TEX9: variants seen among roughly 807,000 people sequenced by gnomAD.
The protein encoded by TEX9 is testis expressed 9.
Under a neutral mutation model 59.6 loss-of-function variants are expected in TEX9, and 74 were observed. The observed-to-expected ratio is 1.24, with a 90% CI of 1.03 to 1.51. TEX9 has a LOEUF of 1.51. Among genes scored for constraint, TEX9 ranks in the 40% most tolerant of loss-of-function variants. TEX9 has a pLI of 0.00. For missense variants in TEX9, 522 were observed against 447.8 expected, an observed-to-expected ratio of 1.17 and a Z score of -1.49; for synonymous variants, 186 against 152.2, an observed-to-expected ratio of 1.22 and a Z score of -1.64.
intron 1 of TEX9, among the ~76,000 whole-genome samples, chr15:56,283,750 A>AC (rs576499258): frequency 2.0e-4 from 30 of 152,104 alleles, no homozygotes; most frequent in African/African-American, 6.3e-4. Context: ...AACTGTATTT[A>AC]CCCCCCCTTC....
chr15:56,419,988 T>C (rs1357573080), intron 10 of TEX9, among the ~76,000 whole-genome samples: 1 of 151,148 alleles, frequency 6.6e-6, no homozygotes, highest in Non-Finnish European at 1.5e-5. Context: ...TATTTTATTG[T>C]GTTTTGGGTG....
chr15:56,443,359 T>C (rs1335843121), intron 12 of TEX9: 1 of 1,129,856 alleles, frequency 8.9e-7, no homozygotes, highest in East Asian at 2.5e-5. Context: ...AAATGTACTA[T>C]CTCTTTTCTG....
chr15:56,430,525 G>A (rs2050559248), intron 12 of TEX9, among the ~76,000 whole-genome samples: 1 of 152,124 alleles, frequency 6.6e-6, no homozygotes, highest in South Asian at 2.1e-4. Flanking sequence ...TTTATTTGAA[G>A]TCACAGTGTG....
At chr15:56,280,710 G>T (rs1253219080) in intron 1 of TEX9, among the ~76,000 whole-genome samples, 1 of 152,184 alleles carries the variant, frequency 6.6e-6, no homozygotes, top group African/African-American at 2.4e-5. Flanking sequence ...TATCTGAAGA[G>T]GTATATAACA....
At chr15:56,447,125 C>T, downstream of TEX9, 1 of 517,272 alleles carries the variant, frequency 1.9e-6, no homozygotes, top group Non-Finnish European at 3.4e-6. Flanking sequence ...TTAGGGCTTA[C>T]ATTTTCTGGT....
intron 12 of TEX9, chr15:56,443,866 TAAC>T: frequency 6.4e-7 from 1 of 1,563,256 alleles, no homozygotes; most frequent in Non-Finnish European, 8.7e-7. Flanking sequence ...TGAAAAGCAA[TAAC>T]AAGTACAGAT....
At chr15:56,251,082 T>A (rs2044003935) in intron 1 of TEX9, among the ~76,000 whole-genome samples, 1 of 152,238 alleles carries the variant, frequency 6.6e-6, no homozygotes, top group South Asian at 2.1e-4. Context: ...TGGGCCAACC[T>A]GTCTCCTTTC....
chr15:56,459,990 C>CAAAAAAAAA, the TEX9 span, among the ~76,000 whole-genome samples: 251 of 11,106 alleles, frequency 0.023, 49 homozygotes, highest in Middle Eastern at 0.5. Flanking sequence ...AATTCTGTCT[C>CAAAAAAAAA]AAAAAAAAAA....
At chr15:56,333,446 G>A (rs1364187567) in intron 1 of TEX9, among the ~76,000 whole-genome samples, 3 of 144,498 alleles carry the variant, frequency 2.1e-5, no homozygotes, top group Admixed American at 1.4e-4. Context: ...TGCTGGAAAA[G>A]CATTTGATGA....
chr15:56,398,925 A>G (rs1277804730), intron 9 of TEX9, among the ~76,000 whole-genome samples: 1 of 152,186 alleles, frequency 6.6e-6, no homozygotes, highest in Non-Finnish European at 1.5e-5. Context: ...TGAGGTCAGG[A>G]GATCGAGACC....
chr15:56,303,632 A>G (rs1291713436), intron 1 of TEX9, among the ~76,000 whole-genome samples: 2 of 152,256 alleles, frequency 1.3e-5, no homozygotes, highest in Non-Finnish European at 2.9e-5. Flanking sequence ...ATAAAGAACT[A>G]GAAAAGCAAA....
At position 56,424,616 on chromosome 15, in the gene TEX9, C is replaced by T. The variant is rs28555266; in HGVS notation, c.964-2989C>T. Among the ~76,000 whole-genome samples, 429 of 152,194 alleles carry T rather than the reference C, an allele frequency of 2.8e-3. 2 individuals are homozygous for T. Among genetic ancestry groups the T allele is most frequent in the African/African-American group, 9.7e-3 (403 of 41,534 alleles). On this transcript the variant is annotated intron_variant, in intron 10 of 12. Coordinates refer to ENST00000352903, the Ensembl canonical transcript of TEX9. The stretch of plus-strand genomic sequence containing the variant: ...TTTTGTGTAATGATGCAACTTCAAT[C>T]GTATATAAAGACTCTACTCCTTTTC...
chr15:56,412,548 T>C, intron 10 of TEX9, 112 bp downstream of exon 10: 2 of 1,200,300 alleles, frequency 1.7e-6, no homozygotes, highest in Non-Finnish European at 2.3e-6. Flanking sequence ...GCTGAACATT[T>C]CTCTTTTCAG....
At chr15:56,375,611 A>G (rs1336117910) in intron 3 of TEX9, among the ~76,000 whole-genome samples, 7 of 152,144 alleles carry the variant, frequency 4.6e-5, no homozygotes, top group Non-Finnish European at 1.0e-4. Context: ...CCTGAATGGT[A>G]ATGCCTAAGT....
chr15:56,388,365 C>A, intron 4 of TEX9, 107 bp from the exon 5 acceptor site: 1 of 855,500 alleles, frequency 1.2e-6, no homozygotes, highest in Admixed American at 2.2e-5. Context: ...ATAGCAAAGT[C>A]TGTTTGATTG....
intron 4 of TEX9, 101 bp from the exon 5 acceptor site, chr15:56,388,371 G>A (rs148934733): frequency 2.2e-6 from 2 of 927,382 alleles, no homozygotes; most frequent in Non-Finnish European, 3.3e-6. Context: ...AAGTCTGTTT[G>A]ATTGTTGAAT....
At chr15:56,259,549 A>G (rs2718926) in intron 1 of TEX9, among the ~76,000 whole-genome samples, 76,552 of 151,832 alleles carry the variant, frequency 0.5, 19,687 homozygotes, top group African/African-American at 0.6. Context: ...ATTGTTGTAC[A>G]TCAAGTATAT....
At chr15:56,429,211 T>C (rs369458859) in intron 12 of TEX9, 100 of 1,509,652 alleles carry the variant, frequency 6.6e-5, no homozygotes, top group African/African-American at 1.1e-4. Flanking sequence ...AAAAATACTT[T>C]GTGGGTTACT....
chr15:56,371,804 CTT>C (rs1286487949), intron 2 of TEX9, among the ~76,000 whole-genome samples: 2 of 152,186 alleles, frequency 1.3e-5, no homozygotes, highest in Non-Finnish European at 2.9e-5. Context: ...GGACTTCCCT[CTT>C]GTTTGTTTTA....
Sources: allele counts gnomAD v4.1 joint callset (sites outside exome capture counted in the v4.1 genomes callset), GRCh38; gene constraint gnomAD v4.1.1; transcripts MANE v1.5; gene names NCBI Gene and HGNC (gene_info 2026-07-23, HGNC 2026-07-21).